Variants in GRIP1 observed in about 807,000 individuals in gnomAD.
GRIP1 encodes glutamate receptor-interacting protein 1.
Under a neutral mutation model 129.9 loss-of-function variants are expected in GRIP1, and 45 were observed. The ratio of observed to expected loss-of-function variants is 0.35; its 90% confidence interval spans 0.27 to 0.44. The LOEUF (loss-of-function observed/expected upper bound fraction) is 0.44. Ranked by LOEUF, GRIP1 falls within the 20% of genes least tolerant of loss-of-function variation. The pLI is 1.00. For synonymous variants in GRIP1, 530 were observed against 520.8 expected (o/e 1.02, Z -0.24); for missense variants, 1,196 against 1,396.8 (o/e 0.86, Z 2.29).
intron 14 of GRIP1, among the ~76,000 whole-genome samples, chr12:66,423,133 G>C (rs1385146210): frequency 6.6e-6 from 1 of 152,154 alleles, no homozygotes; most frequent in Admixed American, 6.6e-5. Flanking sequence ...TGTCATGATT[G>C]AGAGACAGGA....
chr12:67,056,429 G>C lies in GRIP1; in HGVS notation c.58+12621C>G, dbSNP rs746864637. 8.5e-5 allele frequency among the ~76,000 whole-genome samples: 13 copies of C among 152,224 alleles called. 1 individual carries two copies. The highest frequency in any genetic ancestry group is 1.6e-4 in the Non-Finnish European group (11 of 68,040). The stretch of plus-strand genomic sequence containing the variant: ...GCACCTACACATGTCCTCTCCATGT[G>C]AACTGGCTTCCTCACAGCATTGTGG... On this transcript the variant is annotated intron_variant, in intron 1 of 1. Transcript: ENST00000643019.
chr12:66,644,614 C>G (rs749032751), intron 1 of GRIP1, among the ~76,000 whole-genome samples: 1 of 152,222 alleles, frequency 6.6e-6, no homozygotes, highest in Admixed American at 6.5e-5. Flanking sequence ...CACTTTCACA[C>G]TCAATCCCCA....
chr12:67,014,053 G>A (rs2042748304), intron 1 of GRIP1, among the ~76,000 whole-genome samples: 1 of 152,132 alleles, frequency 6.6e-6, no homozygotes, highest in South Asian at 2.1e-4. Context: ...GTACCATGAT[G>A]GAGACCAGCC....
chr12:67,031,408 C>T (rs2043020201), intron 1 of GRIP1, among the ~76,000 whole-genome samples: 1 of 152,178 alleles, frequency 6.6e-6, no homozygotes, highest in Non-Finnish European at 1.5e-5. Context: ...GACAGTCACA[C>T]CTAAGGGCAT....
At chr12:66,930,468 G>C (rs2041375967) in intron 1 of GRIP1, among the ~76,000 whole-genome samples, 1 of 150,680 alleles carries the variant, frequency 6.6e-6, no homozygotes, top group Non-Finnish European at 1.5e-5. Flanking sequence ...AGTATTCCAT[G>C]GTGTATATGT....
At chr12:66,958,068 C>T (rs1225237310) in intron 1 of GRIP1, among the ~76,000 whole-genome samples, 2 of 152,046 alleles carry the variant, frequency 1.3e-5, no homozygotes, top group African/African-American at 2.4e-5. Context: ...CAAATTGCCC[C>T]ATCTTTGGTC....
intron 1 of GRIP1, among the ~76,000 whole-genome samples, chr12:67,051,143 G>A (rs564536793): frequency 3.1e-4 from 47 of 152,222 alleles, no homozygotes; most frequent in African/African-American, 1.1e-3. Context: ...GAAAAATCAG[G>A]TACCAGACAC....
upstream of GRIP1, among the ~76,000 whole-genome samples, chr12:66,682,185 T>C (rs2034610388): frequency 6.6e-6 from 1 of 152,174 alleles, no homozygotes; most frequent in African/African-American, 2.4e-5. Flanking sequence ...AAAGTACCTT[T>C]AAGTGCAGTT....
intron 1 of GRIP1, among the ~76,000 whole-genome samples, chr12:66,837,902 T>C (rs73331111): frequency 0.018 from 2,774 of 152,184 alleles, 84 homozygotes; most frequent in African/African-American, 0.061. Flanking sequence ...GGTTAAAAAA[T>C]CCAGCAGGAG....
chr12:66,552,223 A>C (rs1284507657), intron 2 of GRIP1, among the ~76,000 whole-genome samples: 1 of 152,224 alleles, frequency 6.6e-6, no homozygotes, highest in Non-Finnish European at 1.5e-5. Context: ...ATAAACTTCA[A>C]CAAGAAATCA....
intron 2 of GRIP1, chr12:66,569,116 T>C (rs542973812): frequency 4.3e-6 from 1 of 233,206 alleles, no homozygotes; most frequent in South Asian, 4.9e-5. Flanking sequence ...GTTTTCTTTC[T>C]CTGCTTATTA....
At chr12:66,878,258 T>C (rs1224917589) in intron 1 of GRIP1, among the ~76,000 whole-genome samples, 1 of 151,954 alleles carries the variant, frequency 6.6e-6, no homozygotes, top group East Asian at 1.9e-4. Flanking sequence ...AGGATGACTA[T>C]GAAACAAGTT....
intron 1 of GRIP1, among the ~76,000 whole-genome samples, chr12:66,815,674 G>A (rs980608853): frequency 3.3e-5 from 5 of 151,992 alleles, no homozygotes; most frequent in African/African-American, 1.2e-4. Context: ...TAAAGTGGGA[G>A]GATTGCTTCA....
intron 1 of GRIP1, among the ~76,000 whole-genome samples, chr12:66,722,588 T>C (rs2036091931): frequency 6.6e-6 from 1 of 152,204 alleles, no homozygotes; most frequent in Non-Finnish European, 1.5e-5. Context: ...CACATGCTGT[T>C]GGAAAAATGG....
intron 15 of GRIP1, among the ~76,000 whole-genome samples, chr12:66,408,983 G>A (rs73123303): frequency 6.6e-6 from 1 of 152,140 alleles, no homozygotes; most frequent in Non-Finnish European, 1.5e-5. Flanking sequence ...TGTGTCTTGG[G>A]TGCCAGCTCA....
chr12:66,902,723 T>TA (rs2040862724), intron 1 of GRIP1, among the ~76,000 whole-genome samples: 1 of 152,238 alleles, frequency 6.6e-6, no homozygotes, highest in South Asian at 2.1e-4. Context: ...AAAATTCACT[T>TA]AGACATCATT....
intron 2 of GRIP1, among the ~76,000 whole-genome samples, chr12:66,558,908 A>G (rs1424999905): frequency 6.6e-6 from 1 of 152,158 alleles, no homozygotes; most frequent in African/African-American, 2.4e-5. Context: ...TTCCCAATAA[A>G]CCCTGTTGCA....
chr12:67,044,780 C>CA (rs1646582698), intron 1 of GRIP1, among the ~76,000 whole-genome samples: 1 of 152,064 alleles, frequency 6.6e-6, no homozygotes, highest in Non-Finnish European at 1.5e-5. Context: ...AAGAATTGTA[C>CA]AAAATATATG....
intron 5 of GRIP1, among the ~76,000 whole-genome samples, chr12:66,525,121 T>C (rs1012421653): frequency 6.6e-6 from 1 of 152,210 alleles, no homozygotes; most frequent in East Asian, 1.9e-4. Flanking sequence ...GCTGGTGCCA[T>C]TCCTTCTGAA....
Sources: allele counts gnomAD v4.1 joint callset (sites outside exome capture counted in the v4.1 genomes callset), GRCh38; gene constraint gnomAD v4.1.1; transcripts MANE v1.5; gene names NCBI Gene and HGNC (gene_info 2026-07-23, HGNC 2026-07-21).